The following RBFOX1 variants were observed in gnomAD, a reference collection of about 807,000 sequenced individuals.
RBFOX1 encodes RNA binding fox-1 homolog 1.
RBFOX1 carries 8 observed loss-of-function variants against 57.7 expected under a neutral mutation model. That is an observed-to-expected ratio of 0.14 (90% CI 0.08 to 0.25). The LOEUF (loss-of-function observed/expected upper bound fraction) is 0.25, where lower values mean the gene tolerates loss of function less well. RBFOX1 is among the 10% of genes least tolerant of loss of function. The probability of loss-of-function intolerance (pLI) is 1.00; values close to 1 mark genes in which losing one functional copy is unlikely to be tolerated. For synonymous variants in RBFOX1, 326 were observed against 222.4 expected (o/e 1.47, Z -4.15); for missense variants, 611 against 548.5 (o/e 1.11, Z -1.14).
At chr16:6,277,692 A>C (rs1187557175) in intron 1 of RBFOX1, among the ~76,000 whole-genome samples, 3 of 147,382 alleles carry the variant, frequency 2.0e-5, no homozygotes, top group African/African-American at 7.5e-5. Context: ...AAAAATGTCC[A>C]TTTTCCAAAT....
Position 6,498,043 on chromosome 16 carries a change from G to A in RBFOX1, c.-63-156560G>A, listed in dbSNP as rs371008410. ...GCGGGTGGATCGCCTAAGGTCAAGA[G>A]TTTGAGACCAGCCTTGCCAGCATGA... On this transcript the variant is annotated intron_variant, in intron 2 of 15. Transcript: ENST00000550418. 6.6e-5 allele frequency among the ~76,000 whole-genome samples: 10 copies of A among 152,130 alleles called. No homozygotes were observed. In the East Asian group the frequency reaches 1.8e-3, roughly 27 times the overall value.
chr16:5,659,310 T>TTC (rs2151385019), intron 3 of RBFOX1, among the ~76,000 whole-genome samples: 1 of 150,296 alleles, frequency 6.7e-6, no homozygotes, highest in East Asian at 2.0e-4. Flanking sequence ...TATCTTTTTT[T>TTC]TTTTTTTTTT....
chr16:6,810,789 G>T (rs764726473), intron 3 of RBFOX1, among the ~76,000 whole-genome samples: 1 of 152,122 alleles, frequency 6.6e-6, no homozygotes, highest in Non-Finnish European at 1.5e-5. Flanking sequence ...AAAACCATCA[G>T]ATCTCGCCAG....
chr16:5,727,437 C>CT (rs1408987529), intron 3 of RBFOX1, among the ~76,000 whole-genome samples: 1 of 152,208 alleles, frequency 6.6e-6, no homozygotes, highest in East Asian at 1.9e-4. Context: ...CTGTGAAACG[C>CT]TCACCACAAT....
intron 1 of RBFOX1, among the ~76,000 whole-genome samples, chr16:6,305,035 A>G (rs2079318728): frequency 6.6e-6 from 1 of 152,180 alleles, no homozygotes; most frequent in South Asian, 2.1e-4. Context: ...TGCATGGTAG[A>G]GGAGCTTCCT....
At chr16:7,263,721 C>T (rs1284213220) in intron 4 of RBFOX1, among the ~76,000 whole-genome samples, 2 of 151,838 alleles carry the variant, frequency 1.3e-5, no homozygotes, top group Admixed American at 1.3e-4. Context: ...CATGGTGAAA[C>T]CCCATCTCTA....
intron 4 of RBFOX1, among the ~76,000 whole-genome samples, chr16:7,438,166 G>C (rs2098737658): frequency 6.6e-6 from 1 of 152,158 alleles, no homozygotes; most frequent in African/African-American, 2.4e-5. Context: ...GATTATATAA[G>C]AAAAATCAGA....
intron 2 of RBFOX1, among the ~76,000 whole-genome samples, chr16:5,561,194 G>A (rs562395459): frequency 6.6e-6 from 1 of 152,114 alleles, no homozygotes; most frequent in East Asian, 1.9e-4. Context: ...ATGGGAGGGG[G>A]TCTTGCACAT....
At chr16:5,666,853 G>A (rs1229799810) in intron 3 of RBFOX1, among the ~76,000 whole-genome samples, 1 of 152,184 alleles carries the variant, frequency 6.6e-6, no homozygotes, top group East Asian at 1.9e-4. Flanking sequence ...AGCCCCAGGA[G>A]GATGAGTCTT....
At chr16:5,630,981 A>C (rs1271353242) in intron 3 of RBFOX1, among the ~76,000 whole-genome samples, 1 of 152,188 alleles carries the variant, frequency 6.6e-6, no homozygotes, top group East Asian at 1.9e-4. Flanking sequence ...TAAGAAAGGG[A>C]AAGTGGGAGT....
At chr16:6,834,404 C>A (rs865887683) in intron 3 of RBFOX1, among the ~76,000 whole-genome samples, 1 of 152,186 alleles carries the variant, frequency 6.6e-6, no homozygotes, top group Middle Eastern at 3.4e-3. Flanking sequence ...TTAATAAGAT[C>A]TCTTGGGCTA....
chr16:6,870,643 AAAC>A (rs1301020396), intron 3 of RBFOX1, among the ~76,000 whole-genome samples: 1 of 152,092 alleles, frequency 6.6e-6, no homozygotes, highest in Admixed American at 6.5e-5. Flanking sequence ...AGCAGAAACA[AAAC>A]AAACGATGAT....
intron 4 of RBFOX1, among the ~76,000 whole-genome samples, chr16:7,188,013 C>T (rs375714555): frequency 1.3e-5 from 2 of 152,178 alleles, no homozygotes; most frequent in African/African-American, 4.8e-5. Flanking sequence ...CCATAGTTAT[C>T]TCTAGATAGT....
intron 1 of RBFOX1, among the ~76,000 whole-genome samples, chr16:6,062,785 T>A (rs2095705971): frequency 6.6e-6 from 1 of 152,042 alleles, no homozygotes; most frequent in African/African-American, 2.4e-5. Context: ...TCTTAGGAAT[T>A]GTCTCATGTG....
At chr16:6,358,302 C>G (rs888457869) in intron 2 of RBFOX1, among the ~76,000 whole-genome samples, 2 of 152,148 alleles carry the variant, frequency 1.3e-5, no homozygotes, top group African/African-American at 4.8e-5. Flanking sequence ...ACCCCTCCTC[C>G]AAAATCAATT....
intron 1 of RBFOX1, among the ~76,000 whole-genome samples, chr16:6,302,281 C>G (rs1023049546): frequency 1.1e-4 from 17 of 152,052 alleles, no homozygotes; most frequent in Non-Finnish European, 1.6e-4. Context: ...TTCCTTTCTC[C>G]CACACGGAGA....
intron 4 of RBFOX1, among the ~76,000 whole-genome samples, chr16:7,120,725 T>C (rs1388555649): frequency 6.7e-6 from 1 of 149,784 alleles, no homozygotes; most frequent in Non-Finnish European, 1.5e-5. Context: ...CACAGTCTCT[T>C]ACAGAAAATA....
chr16:5,499,646 C>T (rs1330999876), intron 2 of RBFOX1, among the ~76,000 whole-genome samples: 1 of 151,596 alleles, frequency 6.6e-6, no homozygotes, highest in Non-Finnish European at 1.5e-5. Context: ...GATCTCAGCT[C>T]ACTGCAGTCT....
intron 14 of RBFOX1, among the ~76,000 whole-genome samples, chr16:7,697,762 A>T (rs2079251959): frequency 6.6e-6 from 1 of 151,874 alleles, no homozygotes; most frequent in Admixed American, 6.6e-5. Flanking sequence ...TGGCCTTCTC[A>T]CTCCAGATGG....
Sources: gnomAD v4.1 joint callset for allele counts (sites outside exome capture counted in the v4.1 genomes callset) on GRCh38, gnomAD v4.1.1 for gene constraint, MANE v1.5 for transcripts, NCBI Gene and HGNC (gene_info 2026-07-23, HGNC 2026-07-21) for gene names.